Variants in MOB3B observed in about 807,000 individuals in gnomAD.
The protein encoded by MOB3B is MOB kinase activator 3B.
MOB3B carries 7 observed loss-of-function variants against 18.7 expected under a neutral mutation model. The observed-to-expected ratio is 0.37, with a 90% CI of 0.21 to 0.70. The LOEUF is 0.70. Ranked by LOEUF, MOB3B falls within the 30% of genes least tolerant of loss-of-function variation. The pLI is 0.52. For missense variants in MOB3B, 253 were observed against 281.3 expected (o/e 0.90, Z 0.72); for synonymous variants, 111 against 99.9 (o/e 1.11, Z -0.66).
chr9:27,455,172 C>T lies in MOB3B; in HGVS notation c.379G>A (p.Val127Ile). The stretch of plus-strand genomic sequence containing the variant: ...AATATTTCCTCGTTGTTGATCTGAA[C>T]CTCAATCCAATCCATAAGAAGGTTC... ...YMNLLMDWIE[V>I]QINNEEIFPT... The change falls in exon 2 of 4, where the codon GTT becomes ATT. Residue 127 changes from valine to isoleucine, a missense_variant. By Grantham distance (29) the Val-to-Ile change is conservative. Coordinates refer to ENST00000262244, the MANE Select transcript of MOB3B (RefSeq NM_024761.5). The T allele has an allele frequency of 6.2e-7, 1 of 1,614,118 alleles. No individual in the cohort carries two copies. The highest frequency in any genetic ancestry group is 8.5e-7 in the Non-Finnish European group (1 of 1,180,018).
intron 1 of MOB3B, among the ~76,000 whole-genome samples, chr9:27,494,575 C>T (rs747871048): frequency 2.6e-5 from 4 of 152,232 alleles, no homozygotes; most frequent in Middle Eastern, 3.4e-3. Flanking sequence ...AGTGCAGTGG[C>T]GCGATCTTGG....
chr9:27,409,820 C>A (rs1161948112), intron 2 of MOB3B, among the ~76,000 whole-genome samples: 2 of 151,172 alleles, frequency 1.3e-5, no homozygotes, highest in Non-Finnish European at 2.9e-5. Flanking sequence ...ATAAGCCAGA[C>A]AGAGAAGGAC....
At chr9:27,416,396 G>A (rs1335111288) in intron 2 of MOB3B, among the ~76,000 whole-genome samples, 1 of 152,086 alleles carries the variant, frequency 6.6e-6, no homozygotes, top group Non-Finnish European at 1.5e-5. Flanking sequence ...GTTTAAAATG[G>A]CTGGTGCTTA....
intron 2 of MOB3B, among the ~76,000 whole-genome samples, chr9:27,397,797 C>G (rs1821823833): frequency 6.6e-6 from 1 of 152,192 alleles, no homozygotes; most frequent in South Asian, 2.1e-4. Context: ...TCTGCAAGTA[C>G]TCTTTAGATC....
At chr9:27,350,224 A>C (rs1278283722) in intron 3 of MOB3B, among the ~76,000 whole-genome samples, 1 of 151,648 alleles carries the variant, frequency 6.6e-6, no homozygotes, top group Admixed American at 6.6e-5. Flanking sequence ...AAAGCCCCAA[A>C]AAGTATATAC....
At chr9:27,435,451 C>T (rs758390110) in intron 2 of MOB3B, among the ~76,000 whole-genome samples, 2 of 152,028 alleles carry the variant, frequency 1.3e-5, no homozygotes, top group African/African-American at 2.4e-5. Context: ...ATTTTTTCTC[C>T]ATGACACTGG....
At chr9:27,398,015 C>A (rs1040080480) in intron 2 of MOB3B, among the ~76,000 whole-genome samples, 16 of 152,192 alleles carry the variant, frequency 1.1e-4, no homozygotes, top group Non-Finnish European at 2.1e-4. Flanking sequence ...ACCCAAGTCT[C>A]CCGTCTTTTG....
Position 27,455,212 on chromosome 9 carries a change from T to G in MOB3B, c.339A>C (p.Pro113=), listed in dbSNP as rs760991614. The change falls in exon 2 of 4, where the codon CCA becomes CCC. Residue 113 remains proline (P), a synonymous_variant. Transcript: ENST00000262244. ...TAAGAAGGTTCATGTACTGGGGAGC[T>G]GGCAGCGCTGTTGGCTTCTTATACT... The part of the protein sequence containing the change: ...DLKYKKPTAL[P]APQYMNLLMD... 17 of 1,614,036 alleles carry G rather than the reference T, an allele frequency of 1.1e-5. No homozygotes were observed. Among genetic ancestry groups the G allele is most frequent in the Non-Finnish European group, 1.4e-5 (17 of 1,180,050 alleles).
At chr9:27,502,399 G>C (rs1820004983) in intron 1 of MOB3B, among the ~76,000 whole-genome samples, 1 of 152,116 alleles carries the variant, frequency 6.6e-6, no homozygotes, top group South Asian at 2.1e-4. Context: ...CTAGGGACTG[G>C]ACAGCTACCT....
At chr9:27,346,300 G>C (rs1241150775) in intron 3 of MOB3B, among the ~76,000 whole-genome samples, 11 of 152,174 alleles carry the variant, frequency 7.2e-5, no homozygotes. Context: ...TACCCAGCCA[G>C]AGGCATTGTG....
chr9:27,364,707 C>G (rs1821319069), intron 2 of MOB3B, among the ~76,000 whole-genome samples: 1 of 152,154 alleles, frequency 6.6e-6, no homozygotes, highest in East Asian at 1.9e-4. Context: ...TTATTTGTAG[C>G]TTAGGGTGTT....
In MOB3B at chr9:27,326,863, T is replaced by A. The variant is rs1316341617; in HGVS notation, c.*3724A>T. 1 of 299,154 alleles carries A rather than the reference T, an allele frequency of 3.3e-6. No individual in the cohort carries two copies. Among genetic ancestry groups the A allele is most frequent in the Admixed American group, 5.1e-5 (1 of 19,736 alleles). The allele number at this position is 299,154 out of a possible 1,614,324, so 18.5% of individuals were successfully genotyped here. On this transcript the variant is annotated 3_prime_UTR_variant, in exon 4 of 4. Transcript: ENST00000262244. Reference sequence around the variant, plus strand: ...TACCACATAAATACTTTGTATCTGTTTATGTACTTGTGATCCTTTGGAGGG... The same window carrying A: ...TACCACATAAATACTTTGTATCTGTATATGTACTTGTGATCCTTTGGAGGG...
intron 1 of MOB3B, among the ~76,000 whole-genome samples, chr9:27,468,923 C>A (rs904714571): frequency 6.6e-6 from 1 of 152,182 alleles, no homozygotes; most frequent in Non-Finnish European, 1.5e-5. Context: ...CCCATGTTTT[C>A]ATTTTCTAGC....
intron 2 of MOB3B, among the ~76,000 whole-genome samples, chr9:27,385,358 G>C (rs2131377595): frequency 6.6e-6 from 1 of 152,296 alleles, no homozygotes; most frequent in East Asian, 1.9e-4. Context: ...GTAACCATGA[G>C]ACAGAGTGAC....
intron 3 of MOB3B, among the ~76,000 whole-genome samples, chr9:27,335,170 T>C (rs1587137799): frequency 6.6e-6 from 1 of 152,336 alleles, no homozygotes; most frequent in South Asian, 2.1e-4. Flanking sequence ...GGGACAGTCA[T>C]CATGCTTGCA....
intron 1 of MOB3B, among the ~76,000 whole-genome samples, chr9:27,505,406 C>T (rs1820043587): frequency 6.6e-6 from 1 of 152,202 alleles, no homozygotes; most frequent in Non-Finnish European, 1.5e-5. Context: ...AAACCTACCA[C>T]TTTCCCGTGA....
chr9:27,358,005 G>A (rs758891026), intron 3 of MOB3B, among the ~76,000 whole-genome samples: 19 of 151,142 alleles, frequency 1.3e-4, no homozygotes, highest in Non-Finnish European at 2.7e-4. Context: ...GGTGAGCTAT[G>A]GTTAGCTATG....
chr9:27,408,314 C>T lies in MOB3B; in HGVS notation c.418+46819G>A, dbSNP rs533309308. On this transcript the variant is annotated intron_variant, in intron 2 of 3. Coordinates refer to ENST00000262244, the MANE Select transcript of MOB3B (RefSeq NM_024761.5). ...AATTGGGAGTGAAAGTAAAAATTTC[C>T]GCTTCCTCAGAAAAATCTGCTTGAC... Among the ~76,000 whole-genome samples, 17 of 152,210 alleles carry T rather than the reference C, an allele frequency of 1.1e-4. No homozygotes were observed. The South Asian group carries it at 2.1e-3, about 19-fold the overall frequency.
At chr9:27,476,970 G>A (rs1238682297) in intron 1 of MOB3B, among the ~76,000 whole-genome samples, 1 of 152,098 alleles carries the variant, frequency 6.6e-6, no homozygotes, top group Non-Finnish European at 1.5e-5. Flanking sequence ...CAGCCCTGTA[G>A]GATGCTTCCG....
Sources: allele counts gnomAD v4.1 joint callset (sites outside exome capture counted in the v4.1 genomes callset), GRCh38; gene constraint gnomAD v4.1.1; transcripts MANE v1.5; gene names NCBI Gene and HGNC (gene_info 2026-07-23, HGNC 2026-07-21).